The following STK36 variants were observed in gnomAD, a reference collection of about 807,000 sequenced individuals.
The protein encoded by STK36 is serine/threonine-protein kinase 36.
In STK36, 116 loss-of-function variants were observed where a neutral mutation model predicts 142.2. The ratio of observed to expected loss-of-function variants is 0.82; its 90% CI spans 0.70 to 0.95. The LOEUF (loss-of-function observed/expected upper bound fraction) is 0.95, where lower values mean the gene tolerates loss of function less well. STK36 is among the 40% of genes least tolerant of loss of function. The probability of loss-of-function intolerance (pLI) is 0.00; values close to 1 mark genes in which losing one functional copy is unlikely to be tolerated. For missense variants in STK36, 1,422 were observed against 1,617.2 expected, an observed-to-expected ratio of 0.88 and a Z score of 2.07; for synonymous variants, 619 against 641.7, an observed-to-expected ratio of 0.96 and a Z score of 0.53.
rs546227032 is a variant in STK36, at chr2:218,673,632, C to T, written c.92C>T (p.Ala31Val). 2.0e-5 allele frequency: 33 copies of T among 1,613,646 alleles called. 1 individual carries two copies. The South Asian group carries it at 3.6e-4, about 18-fold the overall frequency. The change falls in exon 3 of 27, where the codon GCC becomes GTC. Residue 31 changes from alanine (A) to valine (V), a missense_variant. This residue lies in a region of STK36 where 460 missense variants were observed against 449.6 expected (regional missense o/e 1.02). Transcript: ENST00000295709. ...GRRKYSAQVV[A>V]LKFIPKLGRS... Reference sequence around the variant, plus strand: ...TCACCTTACCACTGACAGGTCGTGGCCCTGAAGTTCATCCCAAAATTGGGG... The same window carrying T: ...TCACCTTACCACTGACAGGTCGTGGTCCTGAAGTTCATCCCAAAATTGGGG...
At position 218,676,170 on chromosome 2, in the gene STK36, A is replaced by G; in HGVS notation, c.576A>G (p.Glu192=). The G allele has an allele frequency of 6.2e-7, 1 of 1,614,106 alleles. No homozygotes were observed. The highest frequency in any genetic ancestry group is 8.5e-7 in the Non-Finnish European group (1 of 1,180,030). The stretch of plus-strand genomic sequence containing the variant: ...GGTCTGTTGGCTGCATACTATATGA[A>G]CTGGCAGTAGGCACCCCTCCCTTCT... ...DLWSVGCILY[E]LAVGTPPFYA... Residue 192 remains glutamate, a synonymous_variant, in exon 6 of 27, where the codon GAA becomes GAG. Coordinates refer to ENST00000295709, the MANE Select transcript of STK36 (RefSeq NM_015690.5).
In STK36 at chr2:218,702,580, A is replaced by ATAGT. The variant is rs1434496130; in HGVS notation, c.*573_*576dup. The ATAGT allele has an allele frequency of 6.6e-6, 1 of 151,868 alleles. No individual in the cohort carries two copies. Among genetic ancestry groups the ATAGT allele is most frequent in the African/African-American group, 2.4e-5 (1 of 41,324 alleles). The allele number at this position is 151,868 out of a possible 1,614,324, so 9.4% of individuals were successfully genotyped here. On this transcript the variant is annotated 3_prime_UTR_variant, in exon 27 of 27. Coordinates refer to ENST00000295709, the MANE Select transcript of STK36 (RefSeq NM_015690.5). ...GTGTGTGTATGTGTGTGTGTGTTTA[A>ATAGT]TAGTTCTGTTTGTAAACTCTTTTAA...
At position 218,696,589 on chromosome 2, in the gene STK36, G is replaced by A. The variant is rs1285063067; in HGVS notation, c.2574G>A (p.Gln858=). ...ATGGCCTCCTTATCCTTCTGTTGCA[G>A]CTCCTCACTGAGGTACAGATGGATC... ...FYDGLLILLL[Q]LLTEQGKASL... The change falls in exon 22 of 27, where the codon CAG becomes CAA. Residue 858 remains glutamine (Q), a synonymous_variant. Transcript: ENST00000295709. 2.5e-6 allele frequency: 4 copies of A among 1,614,012 alleles called. No individual in the cohort carries two copies. The highest frequency in any genetic ancestry group is 3.4e-6 in the Non-Finnish European group (4 of 1,179,972).
chr2:218,701,776 C>T, intron 26 of STK36, 90 bp from the exon 27 acceptor site: 4 of 1,475,384 alleles, frequency 2.7e-6, no homozygotes, highest in Non-Finnish European at 3.7e-6. Context: ...GTGGGAATTC[C>T]TGGGTAAATG....
Position 218,696,938 on chromosome 2 carries a change from T to TG in STK36, c.2587-98dup. 4 of 1,480,394 alleles carry TG rather than the reference T, an allele frequency of 2.7e-6. No individual in the cohort carries two copies. The South Asian group carries it at 3.4e-5, about 13-fold the overall frequency. The allele number at this position is 1,480,394 out of a possible 1,614,324, so 91.7% of individuals were successfully genotyped here. The stretch of plus-strand genomic sequence containing the variant: ...GTGGGAAAGCGGAAGGAATTATTTC[T>TG]GGGACTTCCTTTACTTGTAAGTCAG... On this transcript the variant is annotated intron_variant, in intron 22 of 26. Coordinates refer to ENST00000295709, the MANE Select transcript of STK36 (RefSeq NM_015690.5).
chr2:218,694,325 G>T lies in STK36; in HGVS notation c.2398G>T (p.Val800Leu). ...LFTHSHVVSLVSAAACLLGQL... is the reference protein window; with the variant it reads ...LFTHSHVVSLLSAAACLLGQL... Reference sequence around the variant, plus strand: ...TACCCATTCGCATGTCGTCTCTCTTGTGGTAAGTTTTTAACCTTCACCCTC... The same window carrying T: ...TACCCATTCGCATGTCGTCTCTCTTTTGGTAAGTTTTTAACCTTCACCCTC... Residue 800 changes from valine (V) to leucine (L), a missense_variant and splice_region_variant, in exon 20 of 27, where the codon GTG (valine) becomes TTG (leucine). Physicochemically the swap from Val to Leu is conservative, Grantham distance 32. Coordinates refer to ENST00000295709, the MANE Select transcript of STK36 (RefSeq NM_015690.5). This position sits in a 1 kb window ranked among gnomAD's most constrained non-coding sequence, Gnocchi z 4.4. 6.2e-7 allele frequency: 1 copy of T among 1,613,922 alleles called. No individual in the cohort carries two copies. The highest frequency in any genetic ancestry group is 8.5e-7 in the Non-Finnish European group (1 of 1,179,794).
At position 218,679,349 on chromosome 2, in the gene STK36, A is replaced by G. The variant is rs577394311; in HGVS notation, c.778+88A>G. ...TTCACTTCCCCGACCATCTAGATAT[A>G]ACATGTCGTCTTTCCTCCAGCAGCT... On this transcript the variant is annotated intron_variant, in intron 7 of 26. Coordinates refer to ENST00000295709, the MANE Select transcript of STK36 (RefSeq NM_015690.5). 492 of 1,396,458 alleles carry G rather than the reference A, an allele frequency of 3.5e-4. 3 individuals are homozygous for G. In the African/African-American group the frequency reaches 6.3e-3, roughly 18 times the overall value. 86.5% of individuals were successfully genotyped at this position (1,396,458 alleles called of 1,614,324 possible). A position where few individuals can be genotyped will look rare whatever the true frequency, so the allele number is the denominator to read the frequency against.
In STK36 at chr2:218,699,164, G is replaced by A; in HGVS notation, c.3620G>A (p.Gly1207Asp). The part of the protein sequence containing the change: ...MTQLLGDPQA[G>D]IRRNVASALG... ...CAGCTGCTTGGAGATCCTCAGGCTG[G>A]TATCCGGCGCAATGTTGCATCAGCT... Residue 1207 changes from glycine to aspartate, a missense_variant, in exon 26 of 27, where the codon GGT (glycine) becomes GAT (aspartate). Physicochemically the swap from Gly to Asp is moderately conservative, Grantham distance 94 (BLOSUM62 -1). This residue lies in a region of STK36 where 962 missense variants were observed against 1,167.5 expected (regional missense o/e 0.82). Transcript: ENST00000295709. 2 of 1,614,130 alleles carry A rather than the reference G, an allele frequency of 1.2e-6. No homozygotes were observed. Among genetic ancestry groups the A allele is most frequent in the Non-Finnish European group, 1.7e-6 (2 of 1,180,028 alleles).
At chr2:218,685,369 C>T in intron 11 of STK36, 141 bp downstream of exon 11, 1 of 1,091,352 alleles carries the variant, frequency 9.2e-7, no homozygotes, top group Admixed American at 2.7e-5. Context: ...GGAGGTTTAC[C>T]AACCTCCTTT....
At chr2:218,692,973 C>T (rs575410087) in intron 16 of STK36, among the ~76,000 whole-genome samples, 7 of 152,308 alleles carry the variant, frequency 4.6e-5, no homozygotes, top group Admixed American at 3.3e-4. Flanking sequence ...AGTGATGCTT[C>T]CTCAAGGGCT....
In STK36 at chr2:218,702,425, T is replaced by C; in HGVS notation, c.*416T>C. 1 of 162,370 alleles carries C rather than the reference T, an allele frequency of 6.2e-6. No homozygotes were observed. 10.1% of individuals were successfully genotyped at this position (162,370 alleles called of 1,614,324 possible). A position where few individuals can be genotyped will look rare whatever the true frequency, so the allele number is the denominator to read the frequency against. Reference sequence around the variant, plus strand: ...CCAGGACAGTGATGAAGACAGAGCCTGTCTCAGCTCTAGGCTGTGGGGATC... The same window carrying C: ...CCAGGACAGTGATGAAGACAGAGCCCGTCTCAGCTCTAGGCTGTGGGGATC... On this transcript the variant is annotated 3_prime_UTR_variant, in exon 27 of 27. Transcript: ENST00000295709.
At chr2:218,677,825 C>G (rs569899452) in intron 6 of STK36, among the ~76,000 whole-genome samples, 7 of 152,294 alleles carry the variant, frequency 4.6e-5, no homozygotes, top group Non-Finnish European at 8.8e-5. Context: ...GAGTCTTACT[C>G]TGTCACCCAG....
At chr2:218,689,466 C>T (rs562237914) in intron 12 of STK36, among the ~76,000 whole-genome samples, 6 of 152,124 alleles carry the variant, frequency 3.9e-5, no homozygotes, top group South Asian at 2.1e-4. Context: ...CTGTGTCCTA[C>T]GGTAGCTGGA....
chr2:218,692,545 C>T, intron 15 of STK36, 38 bp from the exon 16 acceptor site: 4 of 1,589,678 alleles, frequency 2.5e-6, no homozygotes, highest in Non-Finnish European at 3.4e-6. Flanking sequence ...GGGCAAGAGC[C>T]TCAGGCCTTT....
In STK36 at chr2:218,696,540, C is replaced by T. The variant is rs369066283; in HGVS notation, c.2525C>T (p.Pro842Leu). The change falls in exon 22 of 27, where the codon CCA becomes CTA. Residue 842 changes from proline (P) to leucine (L), a missense_variant. Around this residue, in one of 2 missense-constraint regions of STK36, gnomAD observed 962 missense variants for 1,167.5 expected, o/e 0.82. Transcript: ENST00000295709. The part of the protein sequence containing the change: ...LSAPAEVRLT[P>L]PGSCGFYDGL... ...TCTCTCTGACAGGTTCGGTTGACTC[C>T]ACCAGGTAGTTGTGGATTCTATGAT... is the stretch of plus-strand genomic sequence containing the variant. The T allele has an allele frequency of 6.2e-7, 1 of 1,614,134 alleles. No homozygotes were observed. The highest frequency in any genetic ancestry group is 1.3e-5 in the African/African-American group (1 of 75,026).
intron 9 of STK36, 151 bp downstream of exon 9, chr2:218,680,231 A>G (rs1032454620): frequency 1.1e-4 from 85 of 739,638 alleles, no homozygotes; most frequent in Non-Finnish European, 2.6e-5. Context: ...CTTGGATTCT[A>G]ATTATAGATG....
At chr2:218,696,972 A>G in intron 22 of STK36, 67 bp from the exon 23 acceptor site, 1 of 1,599,608 alleles carries the variant, frequency 6.3e-7, no homozygotes, top group African/African-American at 1.3e-5. Flanking sequence ...AGGGACAGGA[A>G]TGAATAAAAG....
chr2:218,691,706 C>T (rs1286094391), intron 14 of STK36, among the ~76,000 whole-genome samples: 2 of 152,122 alleles, frequency 1.3e-5, no homozygotes, highest in Non-Finnish European at 2.9e-5. Flanking sequence ...TGGGTGCACA[C>T]CACCAGACCT....
In STK36 at chr2:218,697,457, T is replaced by C. The variant is rs1941278605; in HGVS notation, c.2762-6T>C. On this transcript the variant is annotated splice_polypyrimidine_tract_variant and splice_region_variant and intron_variant, in intron 23 of 26. Coordinates refer to ENST00000295709, the MANE Select transcript of STK36 (RefSeq NM_015690.5). The stretch of plus-strand genomic sequence containing the variant: ...TCCATTGGGTCTCCATTTTTGGTGT[T>C]ACCAGGCATGGCAGCCCTGCTGAGC... The C allele has an allele frequency of 1.2e-6, 2 of 1,613,808 alleles. No individual in the cohort carries two copies. Among genetic ancestry groups the C allele is most frequent in the Non-Finnish European group, 1.7e-6 (2 of 1,179,888 alleles).
Sources: gnomAD v4.1 joint callset for allele counts (sites outside exome capture counted in the v4.1 genomes callset) on GRCh38, gnomAD v4.1.1 for gene constraint, gnomAD v4.1.1 regional missense constraint, Gnocchi (gnomAD v3.1) non-coding constraint, MANE v1.5 for transcripts, NCBI Gene and HGNC (gene_info 2026-07-23, HGNC 2026-07-21) for gene names.